Variants in LYRM9 observed in about 807,000 individuals in gnomAD.
The protein encoded by LYRM9 is LYR motif-containing protein 9.
LYRM9 carries 14 observed loss-of-function variants against 12.6 expected under a neutral mutation model. The ratio of observed to expected loss-of-function variants is 1.11; its 90% CI spans 0.73 to 1.73. LYRM9 has a LOEUF of 1.73. Ranked by LOEUF, LYRM9 falls within the 40% of genes most tolerant of loss-of-function variation. The pLI, the probability that LYRM9 is intolerant of heterozygous loss-of-function variation, is 0.00. For synonymous variants in LYRM9, 42 were observed against 35.1 expected (o/e 1.20, Z -0.69); for missense variants, 94 against 95.0 (o/e 0.99, Z 0.04).
intron 1 of LYRM9, 157 bp downstream of exon 1, chr17:27,893,160 G>A (rs1567667248): frequency 6.6e-6 from 1 of 152,250 alleles, no homozygotes; most frequent in Admixed American, 6.5e-5. Context: ...CAGACCGCAA[G>A]GGAAAAGGTG....
At chr17:27,883,931 A>G (rs1905152752) in intron 1 of LYRM9, among the ~76,000 whole-genome samples, 1 of 144,800 alleles carries the variant, frequency 6.9e-6, no homozygotes, top group South Asian at 2.3e-4. Flanking sequence ...ATATAATTTG[A>G]TAAGTGCTGC....
Position 27,885,970 on chromosome 17 carries a change from C to G in LYRM9, c.-18-3258G>C, listed in dbSNP as rs894278213. ...TTCTCAAGTTCCTCCTGCTATCAAT[C>G]ATGACCATGCCAGTCCGACTCACCA... On this transcript the variant is annotated intron_variant, in intron 1 of 3. Transcript: ENST00000379102. 3.3e-5 allele frequency among the ~76,000 whole-genome samples: 5 copies of G among 152,098 alleles called. No individual in the cohort carries two copies. The East Asian group carries it at 9.6e-4, about 29-fold the overall frequency.
intron 1 of LYRM9, among the ~76,000 whole-genome samples, chr17:27,887,956 G>A (rs888586163): frequency 3.3e-5 from 5 of 152,112 alleles, no homozygotes; most frequent in East Asian, 1.9e-4. Context: ...TAGACTTTTC[G>A]TTTAAGGCCT....
At chr17:27,891,006 T>C (rs1905422787) in intron 1 of LYRM9, among the ~76,000 whole-genome samples, 1 of 149,976 alleles carries the variant, frequency 6.7e-6, no homozygotes, top group Non-Finnish European at 1.5e-5. Context: ...CCTGTTGGCA[T>C]TACCTTGGTT....
At chr17:27,892,223 C>G (rs1905480851) in intron 1 of LYRM9, 1 of 315,190 alleles carries the variant, frequency 3.2e-6, no homozygotes, top group Non-Finnish European at 6.1e-6. Context: ...AGCCACTGCG[C>G]CCAGCGTTGA....
rs1905222250 is a variant in LYRM9, at chr17:27,886,032, A to G, written c.-18-3320T>C. Among the ~76,000 whole-genome samples the G allele has an allele frequency of 6.6e-6, 1 of 152,058 alleles. No individual in the cohort carries two copies. Among genetic ancestry groups the G allele is most frequent in the African/African-American group, 2.4e-5 (1 of 41,402 alleles). On this transcript the variant is annotated intron_variant, in intron 1 of 3. Coordinates refer to ENST00000379102, the MANE Select transcript of LYRM9 (RefSeq NM_001076680.3). The surrounding 1 kb of genome is among the most constrained non-coding windows in gnomAD (Gnocchi z 4.8). ...GAGGGGAACCCGTTCAAGGGTGGCC[A>G]AGACCATCAGGAGCAACCACAGGAG... is the stretch of plus-strand genomic sequence containing the variant.
In LYRM9 at chr17:27,892,551, CTACT is replaced by C. The variant is rs1905492771; in HGVS notation, c.-19+762_-19+765del. 1.8e-5 allele frequency: 7 copies of C among 383,070 alleles called. No homozygotes were observed. In the East Asian group the frequency reaches 4.5e-4, roughly 25 times the overall value. The allele number at this position is 383,070 out of a possible 1,614,324, so 23.7% of individuals were successfully genotyped here. On this transcript the variant is annotated intron_variant, in intron 1 of 3. Transcript: ENST00000379102. The stretch of plus-strand genomic sequence containing the variant: ...AGTGAACAAACCCAGTCACAAGGGG[CTACT>C]TAATGTATGATTCCATTTATACGAA...
chr17:27,880,387 A>G (rs1411652442), intron 2 of LYRM9, 21 bp from the exon 3 acceptor site: 2 of 1,574,446 alleles, frequency 1.3e-6, no homozygotes, highest in East Asian at 2.3e-5. Flanking sequence ...AAGCATAAAG[A>G]AAGATGACTA....
Position 27,892,118 on chromosome 17 carries a change from C to T in LYRM9, c.-19+1199G>A, listed in dbSNP as rs112646149. 9.2e-3 allele frequency: 1,596 copies of T among 174,096 alleles called. 25 individuals carry two copies. The highest frequency in any genetic ancestry group is 0.036 in the African/African-American group (1,493 of 41,634). 10.8% of individuals were successfully genotyped at this position (174,096 alleles called of 1,614,324 possible). ...TAATTTTTTTAATTATTTATAGAAA[C>T]GAAGTCTTACTATGTTGCCCAGGCT... On this transcript the variant is annotated intron_variant, in intron 1 of 3. Transcript: ENST00000379102.
At chr17:27,880,429 C>T in intron 2 of LYRM9, 63 bp from the exon 3 acceptor site, 2 of 1,228,912 alleles carry the variant, frequency 1.6e-6, no homozygotes, top group Non-Finnish European at 1.2e-6. Flanking sequence ...AGCTTCAGAG[C>T]ACCAATCACA....
intron 1 of LYRM9, among the ~76,000 whole-genome samples, chr17:27,891,369 G>C (rs1905438781): frequency 6.6e-6 from 1 of 152,142 alleles, no homozygotes; most frequent in Admixed American, 6.5e-5. Context: ...CTCGAAGTCT[G>C]TTCCCCATCT....
At chr17:27,892,449 A>G (rs1422371771) in intron 1 of LYRM9, 14 of 454,594 alleles carry the variant, frequency 3.1e-5, no homozygotes, top group Non-Finnish European at 4.9e-5. Context: ...CCAAGTTACC[A>G]GAGGAAACTA....
At chr17:27,880,219 A>T (rs1779650597) in intron 3 of LYRM9, 55 bp downstream of exon 3, 2 of 1,378,538 alleles carry the variant, frequency 1.5e-6, no homozygotes, top group Non-Finnish European at 2.0e-6. Context: ...GGTCATGGGG[A>T]TCACAGCCAT....
intron 1 of LYRM9, among the ~76,000 whole-genome samples, chr17:27,889,341 C>T (rs1905345802): frequency 6.6e-6 from 1 of 150,450 alleles, no homozygotes; most frequent in African/African-American, 2.5e-5. Flanking sequence ...GCATTTCGCT[C>T]TCGTTCCCCA....
At chr17:27,890,926 C>A (rs1905418199) in intron 1 of LYRM9, among the ~76,000 whole-genome samples, 1 of 151,774 alleles carries the variant, frequency 6.6e-6, no homozygotes, top group African/African-American at 2.4e-5. Context: ...GCAATCCCTG[C>A]CTCCCCCAGT....
chr17:27,883,006 C>T (rs530048435), intron 1 of LYRM9: 44 of 511,338 alleles, frequency 8.6e-5, no homozygotes, highest in Admixed American at 3.0e-4. Context: ...TGTCCCTCAC[C>T]GGCAGGGTAG....
chr17:27,879,531 C>T (rs1249147815), intron 3 of LYRM9, 41 bp from the exon 4 acceptor site: 1 of 1,547,924 alleles, frequency 6.5e-7, no homozygotes, highest in South Asian at 1.2e-5. Flanking sequence ...GGGAAGCCAA[C>T]AGGGGCAGGA....
rs1905523419 is a variant in LYRM9 at position 27,893,299 on chromosome 17, C to G, written c.-19+18G>C. 6.5e-6 allele frequency: 1 copy of G among 152,716 alleles called. No individual in the cohort carries two copies. The highest frequency in any genetic ancestry group is 1.5e-5 in the Non-Finnish European group (1 of 68,120). 9.5% of individuals were successfully genotyped at this position (152,716 alleles called of 1,614,324 possible). A position where few individuals can be genotyped will look rare whatever the true frequency, so the allele number is the denominator to read the frequency against. On this transcript the variant is annotated intron_variant, in intron 1 of 3. Coordinates refer to ENST00000379102, the MANE Select transcript of LYRM9 (RefSeq NM_001076680.3). ...CCGCGCCCCCGCCCTCGGCCTCGGCCTGCGCAGCGCGGCTCACCAGCCTCC... is the reference window on the plus strand; with the variant it reads ...CCGCGCCCCCGCCCTCGGCCTCGGCGTGCGCAGCGCGGCTCACCAGCCTCC...
At chr17:27,879,582 A>C in intron 3 of LYRM9, 92 bp from the exon 4 acceptor site, 22 of 1,407,390 alleles carry the variant, frequency 1.6e-5, no homozygotes, top group Non-Finnish European at 1.9e-5. Flanking sequence ...TCTGGACCTC[A>C]CCTGCCTCCT....
Sources: allele counts gnomAD v4.1 joint callset (sites outside exome capture counted in the v4.1 genomes callset), GRCh38; gene constraint gnomAD v4.1.1; non-coding constraint Gnocchi (gnomAD v3.1); transcripts MANE v1.5; gene names NCBI Gene and HGNC (gene_info 2026-07-23, HGNC 2026-07-21).